The following ZNF675 variants were observed in gnomAD, a reference collection of about 807,000 sequenced individuals.
ZNF675 encodes zinc finger protein 675, also known as TRAF6 inhibitory zinc finger.
In ZNF675, 36 loss-of-function variants were observed where a neutral mutation model predicts 56.1. That is an observed-to-expected ratio of 0.64 (90% CI 0.49 to 0.85). The LOEUF is 0.85. Among genes scored for constraint, ZNF675 ranks in the 40% least tolerant of loss-of-function variants. The pLI is 0.00. For synonymous variants in ZNF675, 200 were observed against 218.9 expected (o/e 0.91, Z 0.76); for missense variants, 663 against 654.2 (o/e 1.01, Z -0.15).
At chr19:23,671,626 G>C (rs533889905) in intron 1 of ZNF675, among the ~76,000 whole-genome samples, 2 of 151,990 alleles carry the variant, frequency 1.3e-5, no homozygotes, top group African/African-American at 4.8e-5. Flanking sequence ...ATTAGATGAA[G>C]ACTGAAGGGG....
intron 1 of ZNF675, among the ~76,000 whole-genome samples, chr19:23,674,579 G>A (rs1213323821): frequency 6.7e-6 from 1 of 149,542 alleles, no homozygotes; most frequent in Non-Finnish European, 1.5e-5. Flanking sequence ...GGAGACGGAG[G>A]TTGCAGTGAG....
In ZNF675 at chr19:23,662,956, C is replaced by T. The variant is rs150269166; in HGVS notation, c.130+76G>A. On this transcript the variant is annotated intron_variant, in intron 2 of 3. Coordinates refer to ENST00000359788, the MANE Select transcript of ZNF675 (RefSeq NM_138330.3). ...CCAAGATCGCACCACTGCACTCTAGCCTGGTGACAGAGCCAGACTCCGTCT... is the reference window on the plus strand; with the variant it reads ...CCAAGATCGCACCACTGCACTCTAGTCTGGTGACAGAGCCAGACTCCGTCT... 8.2e-4 allele frequency: 1,133 copies of T among 1,385,612 alleles called. 14 individuals are homozygous for T. The East Asian group carries it at 0.029, about 35-fold the overall frequency. The allele number at this position is 1,385,612 out of a possible 1,614,324, so 85.8% of individuals were successfully genotyped here.
intron 1 of ZNF675, among the ~76,000 whole-genome samples, chr19:23,674,785 A>T (rs1381348459): frequency 6.6e-6 from 1 of 151,426 alleles, no homozygotes; most frequent in East Asian, 1.9e-4. Flanking sequence ...CCTGACCAAC[A>T]TGGTGAAACT....
At chr19:23,668,270 C>T (rs1418730521) in intron 1 of ZNF675, among the ~76,000 whole-genome samples, 1 of 151,200 alleles carries the variant, frequency 6.6e-6, no homozygotes, top group Non-Finnish European at 1.5e-5. Context: ...TACAGAGTGT[C>T]GATTGGTGCA....
chr19:23,667,121 C>T (rs529290049), intron 1 of ZNF675, among the ~76,000 whole-genome samples: 1 of 151,904 alleles, frequency 6.6e-6, no homozygotes, highest in Admixed American at 6.6e-5. Flanking sequence ...TTCGTGGTCT[C>T]GCTGGCTCAG....
rs1967949797 is a variant in ZNF675 at position 23,654,133 on chromosome 19, T to C, written c.800A>G (p.Gln267Arg). ...CTTATGTGTAGTAAGGTGTGAGGACTGGTTAAAGGCTTTGCCACATTCTTC... is the reference window on the plus strand; with the variant it reads ...CTTATGTGTAGTAAGGTGTGAGGACCGGTTAAAGGCTTTGCCACATTCTTC... ...KCEECGKAFN[Q>R]SSHLTTHKII... The change falls in exon 4 of 4, where the codon CAG becomes CGG. Residue 267 changes from glutamine to arginine, a missense_variant. Physicochemically the swap from Gln to Arg is conservative, Grantham distance 43 (BLOSUM62 1). Around this residue, in one of 3 missense-constraint regions of ZNF675, gnomAD observed 617 missense variants for 590.5 expected, o/e 1.04. Coordinates refer to ENST00000359788, the MANE Select transcript of ZNF675 (RefSeq NM_138330.3). 1.2e-6 allele frequency: 2 copies of C among 1,613,914 alleles called. No individual in the cohort carries two copies. The highest frequency in any genetic ancestry group is 2.2e-5 in the East Asian group (1 of 44,852).
chr19:23,664,386 T>C (rs7256913), intron 1 of ZNF675, among the ~76,000 whole-genome samples: 54,238 of 151,992 alleles, frequency 0.36, 10,387 homozygotes, highest in East Asian at 0.65. Flanking sequence ...CTGTCCTTCA[T>C]ACCAGAAGCG....
At chr19:23,671,142 A>G (rs1235223181) in intron 1 of ZNF675, among the ~76,000 whole-genome samples, 3 of 152,164 alleles carry the variant, frequency 2.0e-5, no homozygotes, top group Non-Finnish European at 4.4e-5. Context: ...AAAAAAATAT[A>G]CTAATCTAGT....
intron 3 of ZNF675, chr19:23,654,930 A>G: frequency 2.6e-6 from 1 of 384,124 alleles, no homozygotes; most frequent in Non-Finnish European, 4.6e-6. Context: ...CCAATATAAC[A>G]TAATGTTTTC....
intron 3 of ZNF675, among the ~76,000 whole-genome samples, chr19:23,657,851 C>T (rs1968008101): frequency 6.6e-6 from 1 of 152,022 alleles, no homozygotes; most frequent in Non-Finnish European, 1.5e-5. Flanking sequence ...GATAAACACA[C>T]ATATGTAATC....
intron 1 of ZNF675, chr19:23,686,081 G>C (rs1296622250): frequency 1.3e-5 from 2 of 152,150 alleles, no homozygotes; most frequent in African/African-American, 4.8e-5. Flanking sequence ...ATTAACCTCT[G>C]ATTACATAAC....
At chr19:23,662,287 A>G (rs2144928312) in intron 2 of ZNF675, 78 bp from the exon 3 acceptor site, 2 of 1,009,748 alleles carry the variant, frequency 2.0e-6, no homozygotes, top group African/African-American at 3.3e-5. Flanking sequence ...CTCAGTAAAG[A>G]GAATGTAATG....
At chr19:23,676,656 C>A (rs1968298356) in intron 1 of ZNF675, among the ~76,000 whole-genome samples, 1 of 151,838 alleles carries the variant, frequency 6.6e-6, no homozygotes, top group South Asian at 2.1e-4. Context: ...AATTTAACAT[C>A]CTTCATGTTA....
At chr19:23,668,556 G>C (rs1369542905) in intron 1 of ZNF675, among the ~76,000 whole-genome samples, 3 of 152,236 alleles carry the variant, frequency 2.0e-5, no homozygotes, top group Non-Finnish European at 2.9e-5. Flanking sequence ...CGGTCGATGG[G>C]ACTGGGCGCC....
intron 3 of ZNF675, among the ~76,000 whole-genome samples, chr19:23,661,716 AG>A (rs879401743): frequency 9.2e-5 from 14 of 152,186 alleles, no homozygotes; most frequent in Admixed American, 6.5e-4. Context: ...AGAAAACAAT[AG>A]AAAAGAAACC....
chr19:23,662,066 G>C, intron 3 of ZNF675, 48 bp downstream of exon 3: 1 of 1,347,616 alleles, frequency 7.4e-7, no homozygotes, highest in Non-Finnish European at 1.1e-6. Flanking sequence ...TTGACCTTTG[G>C]ACCTCTCATC....
chr19:23,664,145 C>T (rs1027914412), intron 1 of ZNF675, among the ~76,000 whole-genome samples: 3 of 152,122 alleles, frequency 2.0e-5, no homozygotes, highest in African/African-American at 7.2e-5. Context: ...GTACTAAACG[C>T]ATGGCATTCC....
chr19:23,654,776 A>T, intron 3 of ZNF675, 70 bp from the exon 4 acceptor site: 1 of 1,283,834 alleles, frequency 7.8e-7, no homozygotes, highest in African/African-American at 1.5e-5. Context: ...CTAACTTATA[A>T]AATTACACAA....
intron 3 of ZNF675, 182 bp downstream of exon 3, chr19:23,661,932 G>C: frequency 1.9e-6 from 1 of 520,968 alleles, no homozygotes; most frequent in South Asian, 2.5e-5. Flanking sequence ...AGAAACCTTA[G>C]AGAATTTAAA....
Sources: gnomAD v4.1 joint callset for allele counts (sites outside exome capture counted in the v4.1 genomes callset) on GRCh38, gnomAD v4.1.1 for gene constraint, gnomAD v4.1.1 regional missense constraint, MANE v1.5 for transcripts, NCBI Gene and HGNC (gene_info 2026-07-23, HGNC 2026-07-21) for gene names.